Variants in CXCL12 observed in about 807,000 individuals in gnomAD.
CXCL12 encodes the protein stromal cell-derived factor 1.
Under a neutral mutation model 10.7 loss-of-function variants are expected in CXCL12, and 4 were observed. The ratio of observed to expected loss-of-function variants is 0.37; its 90% CI spans 0.18 to 0.86. The LOEUF (loss-of-function observed/expected upper bound fraction) is 0.86, where lower values mean the gene tolerates loss of function less well. Among genes scored for constraint, CXCL12 ranks in the 40% least tolerant of loss-of-function variants. The probability of loss-of-function intolerance (pLI) is 0.43; values close to 1 mark genes in which losing one functional copy is unlikely to be tolerated. For synonymous variants in CXCL12, 54 were observed against 45.4 expected (o/e 1.19, Z -0.77); for missense variants, 122 against 110.4 (o/e 1.10, Z -0.47).
chr10:44,372,482 C>T (rs145458252), downstream of CXCL12: 17 of 350,052 alleles, frequency 4.9e-5, no homozygotes, highest in East Asian at 6.6e-4. Context: ...CAGAGGAGGA[C>T]GCTGGCTTTG....
In CXCL12 at chr10:44,377,590, G is replaced by T; in HGVS notation, c.*1043C>A. The T allele has an allele frequency of 2.0e-6, 3 of 1,481,698 alleles. No individual in the cohort carries two copies. The highest frequency in any genetic ancestry group is 4.6e-5 in the Admixed American group (2 of 43,474). The allele number at this position is 1,481,698 out of a possible 1,614,324, so 91.8% of individuals were successfully genotyped here. A position where few individuals can be genotyped will look rare whatever the true frequency, so the allele number is the denominator to read the frequency against. On this transcript the variant is annotated 3_prime_UTR_variant, in exon 3 of 3. Coordinates refer to ENST00000343575, the MANE Select transcript of CXCL12 (RefSeq NM_199168.4). The stretch of plus-strand genomic sequence containing the variant: ...TGATGGTTTATTCACTGATTTTTTC[G>T]CTTCTGATTTCGGAAACCTCAGAGT...
chr10:44,380,927 T>G, intron 1 of CXCL12, 47 bp from the exon 2 acceptor site: 1 of 1,515,910 alleles, frequency 6.6e-7, no homozygotes, highest in Middle Eastern at 1.7e-4. Context: ...CTGCCAGATT[T>G]TGGTAATGTG....
chr10:44,376,469 C>T (rs999531493), downstream of CXCL12, among the ~76,000 whole-genome samples: 10 of 152,298 alleles, frequency 6.6e-5, no homozygotes, highest in Non-Finnish European at 5.9e-5. Context: ...AATTGAATAA[C>T]GTTTTGGAGG....
chr10:44,379,458 C>G (rs2132046114), intron 2 of CXCL12, among the ~76,000 whole-genome samples: 1 of 152,256 alleles, frequency 6.6e-6, no homozygotes, highest in Middle Eastern at 3.4e-3. Flanking sequence ...GCCAGAAAGC[C>G]CTTTGGTGCC....
chr10:44,380,695 G>A, intron 2 of CXCL12, 68 bp downstream of exon 2: 1 of 1,329,812 alleles, frequency 7.5e-7, no homozygotes, highest in Non-Finnish European at 1.1e-6. Context: ...ATAAGACTCG[G>A]GTTAGATGTT....
At chr10:44,384,863 C>T in intron 1 of CXCL12, 82 bp downstream of exon 1, 1 of 1,392,322 alleles carries the variant, frequency 7.2e-7, no homozygotes, top group Non-Finnish European at 9.7e-7. Flanking sequence ...ACTGCGGGCG[C>T]AGGCAGAGGA....
At position 44,378,722 on chromosome 10, in the gene CXCL12, C is replaced by A; in HGVS notation, c.181G>T (p.Ala61Ser). The change falls in exon 3 of 3, where the codon GCC becomes TCC. Residue 61 changes from alanine (A) to serine (S), a missense_variant and splice_region_variant. Transcript: ENST00000343575. ...TGTCTGTTGTTGTTCTTCAGCCGGG[C>A]TCTGTGAAAACAGAATGGCAACAGT... ...NTPNCALQIV[A>S]RLKNNNRQVC... 1 of 1,614,208 alleles carries A rather than the reference C, an allele frequency of 6.2e-7. No individual in the cohort carries two copies. Among genetic ancestry groups the A allele is most frequent in the Non-Finnish European group, 8.5e-7 (1 of 1,180,020 alleles).
chr10:44,378,310 T>A lies in CXCL12; in HGVS notation c.*323A>T. 8 of 1,477,682 alleles carry A rather than the reference T, an allele frequency of 5.4e-6. No homozygotes were observed. The highest frequency in any genetic ancestry group is 7.2e-6 in the Non-Finnish European group (8 of 1,103,690). The allele number at this position is 1,477,682 out of a possible 1,614,324, so 91.5% of individuals were successfully genotyped here. ...AGAATGAGAATGATGATGATTGTGA[T>A]GATCATGAAGGAACTAACTGCTTGA... On this transcript the variant is annotated 3_prime_UTR_variant, in exon 3 of 3. Coordinates refer to ENST00000343575, the MANE Select transcript of CXCL12 (RefSeq NM_199168.4).
At position 44,378,664 on chromosome 10, in the gene CXCL12, T is replaced by C; in HGVS notation, c.239A>G (p.Gln80Arg). 1.9e-6 allele frequency: 3 copies of C among 1,614,240 alleles called. No individual in the cohort carries two copies. The highest frequency in any genetic ancestry group is 2.2e-5 in the East Asian group (1 of 44,884). The change falls in exon 3 of 3, where the codon CAG becomes CGG. Residue 80 changes from glutamine (Q) to arginine (R), a missense_variant. Gln to Arg is a conservative substitution (Grantham distance 43, BLOSUM62 1). Transcript: ENST00000343575. ...GTTTAAAGCTTTCTCCAGGTACTCC[T>C]GAATCCACTTTAGCTTCGGGTCAAT... ...VCIDPKLKWIQEYLEKALNK is the reference protein window; with the variant it reads ...VCIDPKLKWIREYLEKALNK
chr10:44,378,540 G>GT lies in CXCL12; in HGVS notation c.*92_*93insA. ...CACACACCTGGTCCTCATGGTTAAGGCCCCCTCCCCCACGTCTTTGCCCTT... is the reference window on the plus strand; with the variant it reads ...CACACACCTGGTCCTCATGGTTAAGGTCCCCCTCCCCCACGTCTTTGCCCTT... On this transcript the variant is annotated 3_prime_UTR_variant, in exon 3 of 3. Transcript: ENST00000343575. The GT allele has an allele frequency of 6.3e-7, 1 of 1,580,606 alleles. No homozygotes were observed. Among genetic ancestry groups the GT allele is most frequent in the Non-Finnish European group, 8.6e-7 (1 of 1,162,718 alleles).
chr10:44,371,614 G>A (rs1240404665), downstream of CXCL12: 3 of 170,054 alleles, frequency 1.8e-5, no homozygotes, highest in South Asian at 1.2e-4. Flanking sequence ...GCTCCAATTT[G>A]AAATACTTAT....
intron 1 of CXCL12, among the ~76,000 whole-genome samples, chr10:44,383,616 G>A (rs562527733): frequency 7.3e-6 from 1 of 136,678 alleles, no homozygotes; most frequent in East Asian, 2.2e-4. Context: ...TTGCGGGGGG[G>A]GGGGGGGGTC....
In CXCL12 at chr10:44,380,763, A is replaced by G; in HGVS notation, c.179T>C (p.Val60Ala). 1 of 1,611,204 alleles carries G rather than the reference A, an allele frequency of 6.2e-7. No individual in the cohort carries two copies. Among genetic ancestry groups the G allele is most frequent in the Non-Finnish European group, 8.5e-7 (1 of 1,177,264 alleles). Residue 60 changes from valine (V) to alanine (A), a missense_variant and splice_region_variant, in exon 2 of 3, where the codon GTA (valine) becomes GCA (alanine). Physicochemically the swap from Val to Ala is moderately conservative, Grantham distance 64 (BLOSUM62 0). Coordinates refer to ENST00000343575, the MANE Select transcript of CXCL12 (RefSeq NM_199168.4). ...LNTPNCALQI[V>A]ARLKNNNRQV... ...GATGATGTTCAATTTCAAGACTTAC[A>G]CAATCTGAAGGGCACAGTTTGGAGT... is the stretch of plus-strand genomic sequence containing the variant.
chr10:44,375,837 C>T, downstream of CXCL12: 1 of 1,565,414 alleles, frequency 6.4e-7, no homozygotes, highest in Non-Finnish European at 8.6e-7. Flanking sequence ...AAGTCTGAGC[C>T]CCTGCCCAGT....
Position 44,378,167 on chromosome 10 carries a change from T to C in CXCL12, c.*466A>G. 1 of 1,417,498 alleles carries C rather than the reference T, an allele frequency of 7.1e-7. No individual in the cohort carries two copies. The highest frequency in any genetic ancestry group is 9.2e-7 in the Non-Finnish European group (1 of 1,084,432). The allele number at this position is 1,417,498 out of a possible 1,614,324, so 87.8% of individuals were successfully genotyped here. On this transcript the variant is annotated 3_prime_UTR_variant, in exon 3 of 3. Transcript: ENST00000343575. ...GCCTCAGTGTCTGAAGAAAGGACACTTTTTCCAGCTCCCTGTTAAGCCACC... is the reference window on the plus strand; with the variant it reads ...GCCTCAGTGTCTGAAGAAAGGACACCTTTTCCAGCTCCCTGTTAAGCCACC...
chr10:44,375,894 C>T (rs371382657), downstream of CXCL12: 245 of 1,607,046 alleles, frequency 1.5e-4, no homozygotes, highest in Middle Eastern at 2.3e-3. Flanking sequence ...ATTTACAAAG[C>T]GCCGAGAGCA....
downstream of CXCL12, chr10:44,374,142 T>C: frequency 3.1e-6 from 1 of 320,194 alleles, no homozygotes; most frequent in South Asian, 2.7e-5. Flanking sequence ...GGACCCACTC[T>C]CAGTCCCTGC....
At chr10:44,374,418 C>T, downstream of CXCL12, 2 of 454,126 alleles carry the variant, frequency 4.4e-6, no homozygotes, top group Admixed American at 2.4e-5. Context: ...ATGGCAGCCC[C>T]AGGCAGCCCA....
chr10:44,379,757 G>C (rs4948879), intron 2 of CXCL12, among the ~76,000 whole-genome samples: 144,170 of 152,342 alleles, frequency 0.95, 68,705 homozygotes, highest in East Asian at 1. Context: ...CAGGTCCAAG[G>C]TAGCTAAATT....
Sources: gnomAD v4.1 joint callset for allele counts (sites outside exome capture counted in the v4.1 genomes callset) on GRCh38, gnomAD v4.1.1 for gene constraint, MANE v1.5 for transcripts, NCBI Gene and HGNC (gene_info 2026-07-23, HGNC 2026-07-21) for gene names.